The following RADIL variants were observed in gnomAD, a reference collection of about 807,000 sequenced individuals.
RADIL encodes the protein ras-associating and dilute domain-containing protein.
RADIL carries 99 observed loss-of-function variants against 97.6 expected under a neutral mutation model. The ratio of observed to expected loss-of-function variants is 1.01; its 90% confidence interval spans 0.86 to 1.20. The LOEUF (loss-of-function observed/expected upper bound fraction) is 1.20. Among genes scored for constraint, RADIL ranks in the 50% most tolerant of loss-of-function variants. The pLI is 0.00. For synonymous variants in RADIL, 803 were observed against 691.8 expected (o/e 1.16, Z -2.52); for missense variants, 1,765 against 1,498.9 (o/e 1.18, Z -2.93).
rs140122284 is a variant in RADIL, at chr7:4,837,551, A to C, written c.536-946T>G. The stretch of plus-strand genomic sequence containing the variant: ...AGCCAAAGCAGGCACACACACAAAC[A>C]CACGTGTGCATACACATGCCCACAA... On this transcript the variant is annotated intron_variant, in intron 2 of 14. Transcript: ENST00000399583. This position sits in a 1 kb window ranked among gnomAD's most constrained non-coding sequence, Gnocchi z 5.6. Among the ~76,000 whole-genome samples the C allele has an allele frequency of 8.7e-4, 132 of 152,224 alleles. No homozygotes were observed. The highest frequency in any genetic ancestry group is 2.9e-3 in the African/African-American group (122 of 41,546).
chr7:4,807,761 CCCTCCGTCTCTCTCCCCTTCCT>C (rs1367957177), intron 9 of RADIL, among the ~76,000 whole-genome samples: 1 of 77,988 alleles, frequency 1.3e-5, no homozygotes, highest in East Asian at 4.1e-4. Context: ...CCCTTTCTCC[CCCTCCGTCTCTCTCCCCTTCCT>C]CCTCCGTCTC....
chr7:4,871,839 C>T (rs1784262438), intron 2 of RADIL, among the ~76,000 whole-genome samples: 1 of 152,190 alleles, frequency 6.6e-6, no homozygotes, highest in Admixed American at 6.5e-5. Flanking sequence ...GTTTTTCAGT[C>T]AAAAGCCCAG....
intron 2 of RADIL, chr7:4,859,653 T>G: frequency 2.0e-6 from 1 of 500,388 alleles, no homozygotes; most frequent in Non-Finnish European, 3.6e-6. Context: ...TCATGGACCC[T>G]TGAGGTTGTT....
chr7:4,877,924 G>T lies in RADIL; in HGVS notation c.216C>A (p.Val72=). ...PGVLKVFGDS[V]CTGTHYKSVL... ...CGCTCTTGTAGTGGGTTCCTGTGCA[G>T]ACACTGTCCCCAAACACCTTCAGGA... Residue 72 remains valine, a synonymous_variant, in exon 2 of 15, where the codon GTC becomes GTA. Transcript: ENST00000399583. The T allele has an allele frequency of 6.2e-7, 1 of 1,607,732 alleles. No individual in the cohort carries two copies. The highest frequency in any genetic ancestry group is 1.1e-5 in the South Asian group (1 of 91,090).
At position 4,816,528 on chromosome 7, in the gene RADIL, G is replaced by T. The variant is rs1353086706; in HGVS notation, c.1729-63C>A. 15 of 1,403,762 alleles carry T rather than the reference G, an allele frequency of 1.1e-5. No homozygotes were observed. In the South Asian group the frequency reaches 1.5e-4, roughly 14 times the overall value. 87.0% of individuals were successfully genotyped at this position (1,403,762 alleles called of 1,614,324 possible). On this transcript the variant is annotated intron_variant, in intron 7 of 14. Coordinates refer to ENST00000399583, the MANE Select transcript of RADIL (RefSeq NM_018059.5). Reference sequence around the variant, plus strand: ...CAGGAGCGCTGGCGGCCGAACGGGGGGCCTGACCCAGCGAGCTCCCCACCC... The same window carrying T: ...CAGGAGCGCTGGCGGCCGAACGGGGTGCCTGACCCAGCGAGCTCCCCACCC...
intron 2 of RADIL, among the ~76,000 whole-genome samples, chr7:4,870,615 T>A (rs1784230834): frequency 6.6e-6 from 1 of 152,108 alleles, no homozygotes; most frequent in Non-Finnish European, 1.5e-5. Flanking sequence ...CTAATTTTTT[T>A]ATATTTTTAG....
intron 9 of RADIL, among the ~76,000 whole-genome samples, chr7:4,810,978 A>C (rs1347947775): frequency 6.6e-6 from 1 of 152,154 alleles, no homozygotes; most frequent in African/African-American, 2.4e-5. Context: ...TTCTACTAAA[A>C]ATACAAAAAT....
chr7:4,819,570 C>A lies in RADIL; in HGVS notation c.1616-2219G>T, dbSNP rs1782772621. On this transcript the variant is annotated intron_variant, in intron 6 of 14. Transcript: ENST00000399583. The surrounding 1 kb of genome is among the most constrained non-coding windows in gnomAD (Gnocchi z 5.8). Reference sequence around the variant, plus strand: ...GCTGAGCTCCAGCCACGAGGAGAATCTGAGGCGCACACGATGGTGTGAGGC... The same window carrying A: ...GCTGAGCTCCAGCCACGAGGAGAATATGAGGCGCACACGATGGTGTGAGGC... Among the ~76,000 whole-genome samples the A allele has an allele frequency of 1.3e-5, 2 of 152,206 alleles. No individual in the cohort carries two copies. Among genetic ancestry groups the A allele is most frequent in the African/African-American group, 4.8e-5 (2 of 41,458 alleles).
At position 4,822,384 on chromosome 7, in the gene RADIL, C is replaced by A; in HGVS notation, c.1615+10G>T. On this transcript the variant is annotated intron_variant, in intron 6 of 14. Coordinates refer to ENST00000399583, the MANE Select transcript of RADIL (RefSeq NM_018059.5). The surrounding 1 kb of genome is among the most constrained non-coding windows in gnomAD (Gnocchi z 5.3). ...CTGGCGGGGGGAATGGAGGGCAGCG[C>A]CAGCCGTACCTGTGATGTCCAGCTG... 1 of 1,604,466 alleles carries A rather than the reference C, an allele frequency of 6.2e-7. No individual in the cohort carries two copies. The highest frequency in any genetic ancestry group is 1.1e-5 in the South Asian group (1 of 89,966).
At chr7:4,805,423 G>C in intron 10 of RADIL, 143 bp downstream of exon 10, 1 of 1,059,586 alleles carries the variant, frequency 9.4e-7, no homozygotes, top group Non-Finnish European at 1.3e-6. Flanking sequence ...GGGGTCCTCT[G>C]GGTGGAGGCT....
chr7:4,851,756 A>T lies in RADIL; in HGVS notation c.536-15151T>A, dbSNP rs1783714403. Among the ~76,000 whole-genome samples, 6 of 152,202 alleles carry T rather than the reference A, an allele frequency of 3.9e-5. 1 individual carries two copies. The South Asian group carries it at 1.2e-3, about 31-fold the overall frequency. ...AGAGAAATTAAAGAACTGTTCAGCA[A>T]AAAAAGAACCAGGACTGGACAAGTT... On this transcript the variant is annotated intron_variant, in intron 2 of 14. Transcript: ENST00000399583.
Position 4,799,685 on chromosome 7 carries a change from C to T in RADIL, c.3067G>A (p.Gly1023Arg), listed in dbSNP as rs1455478826. 20 of 1,588,640 alleles carry T rather than the reference C, an allele frequency of 1.3e-5. No individual in the cohort carries two copies. Among genetic ancestry groups the T allele is most frequent in the Non-Finnish European group, 1.7e-5 (20 of 1,168,914 alleles). The part of the protein sequence containing the change: ...PAAADGRLSL[G>R]DRILEVNGSS... ...CCATTCACCTCCAGGATACGGTCCC[C>T]CAGCGACAGGCGCCCGTCGGCCGCT... is the stretch of plus-strand genomic sequence containing the variant. Residue 1023 changes from glycine (G) to arginine (R), a missense_variant, in exon 14 of 15, where the codon GGG (glycine) becomes AGG (arginine). Coordinates refer to ENST00000399583, the MANE Select transcript of RADIL (RefSeq NM_018059.5).
chr7:4,827,395 C>G (rs1434457813), intron 5 of RADIL, among the ~76,000 whole-genome samples: 1 of 150,676 alleles, frequency 6.6e-6, no homozygotes, highest in Non-Finnish European at 1.5e-5. Flanking sequence ...TGCGGTGGCT[C>G]ACGCCTGTAA....
intron 2 of RADIL, among the ~76,000 whole-genome samples, chr7:4,862,593 A>T (rs1006444082): frequency 1.3e-5 from 2 of 152,220 alleles, no homozygotes; most frequent in Non-Finnish European, 2.9e-5. Context: ...GTCCAGGCAT[A>T]GATTTCTCTT....
In RADIL at chr7:4,834,958, GAATAGCAGCA is replaced by G. The variant is rs1167121191; in HGVS notation, c.1055_1064del (p.Leu352ProfsTer68). On this transcript the variant is annotated frameshift_variant, in exon 4 of 15. Coordinates refer to ENST00000399583, the MANE Select transcript of RADIL (RefSeq NM_018059.5). LOFTEE classifies it high-confidence loss of function. The surrounding 1 kb of genome is among the most constrained non-coding windows in gnomAD (Gnocchi z 6.0). ...GGGGCTGGGCCTGCGCGGGGTCCTT[GAATAGCAGCA>G]GGTAGTAGAGCCCCAGGGAGAGCAG... 5.0e-6 allele frequency: 8 copies of G among 1,607,884 alleles called. No homozygotes were observed. In the Admixed American group the frequency reaches 1.2e-4, roughly 24 times the overall value.
chr7:4,858,568 G>A (rs1783892179), intron 2 of RADIL: 2 of 152,524 alleles, frequency 1.3e-5, no homozygotes, highest in Admixed American at 1.3e-4. Context: ...AAATAAAAGT[G>A]TTTAAAATTC....
In RADIL at chr7:4,854,906, A is replaced by G. The variant is rs879468143; in HGVS notation, c.536-18301T>C. On this transcript the variant is annotated intron_variant, in intron 2 of 14. Transcript: ENST00000399583. This position sits in a 1 kb window ranked among gnomAD's most constrained non-coding sequence, Gnocchi z 5.1. The stretch of plus-strand genomic sequence containing the variant: ...GCCTGTCCCCACCTCTCACCCCACC[A>G]AAGGGAATCACTTTCCTGGATTCCG... Among the ~76,000 whole-genome samples the G allele has an allele frequency of 6.6e-6, 1 of 152,144 alleles. No homozygotes were observed. The highest frequency in any genetic ancestry group is 1.5e-5 in the Non-Finnish European group (1 of 68,008).
intron 2 of RADIL, chr7:4,857,676 C>T (rs1416011963): frequency 2.0e-5 from 3 of 152,630 alleles, no homozygotes; most frequent in Non-Finnish European, 2.9e-5. Flanking sequence ...AATGTAAGTA[C>T]ATCTGAATTC....
rs1583296171 is a variant in RADIL, at chr7:4,837,301, T to C, written c.536-696A>G. On this transcript the variant is annotated intron_variant, in intron 2 of 14. Transcript: ENST00000399583. The surrounding 1 kb of genome is among the most constrained non-coding windows in gnomAD (Gnocchi z 5.6). ...CACGGCAGCCTGGGCCTCTGCAGGG[T>C]CACCACGCCGCCTCCAGAGCCCTGC... 6.6e-6 allele frequency among the ~76,000 whole-genome samples: 1 copy of C among 152,038 alleles called. No homozygotes were observed. The highest frequency in any genetic ancestry group is 1.5e-5 in the Non-Finnish European group (1 of 68,002).
Sources: allele counts gnomAD v4.1 joint callset (sites outside exome capture counted in the v4.1 genomes callset), GRCh38; gene constraint gnomAD v4.1.1; non-coding constraint Gnocchi (gnomAD v3.1); transcripts MANE v1.5; gene names NCBI Gene and HGNC (gene_info 2026-07-23, HGNC 2026-07-21).